Variants in ARHGEF4 observed in about 807,000 individuals in gnomAD.
ARHGEF4 encodes the protein Rho guanine nucleotide exchange factor 4.
A neutral mutation model predicts 162.0 loss-of-function variants in ARHGEF4; 119 were observed. That is an observed-to-expected ratio of 0.73 (90% CI 0.63 to 0.86). The LOEUF (loss-of-function observed/expected upper bound fraction) is 0.86. Among genes scored for constraint, ARHGEF4 ranks in the 40% least tolerant of loss-of-function variants. ARHGEF4 has a pLI of 0.00. For missense variants in ARHGEF4, 2,488 were observed against 2,456.0 expected (o/e 1.01, Z -0.28); for synonymous variants, 1,014 against 979.9 (o/e 1.03, Z -0.65).
intron 4 of ARHGEF4, among the ~76,000 whole-genome samples, chr2:131,003,385 C>A (rs1261698238): frequency 6.6e-6 from 1 of 152,224 alleles, no homozygotes; most frequent in Non-Finnish European, 1.5e-5. Flanking sequence ...ATTCCAGTTT[C>A]TTCCTTCTTG....
intron 1 of ARHGEF4, among the ~76,000 whole-genome samples, chr2:130,892,054 G>T (rs566671353): frequency 9.2e-5 from 14 of 152,000 alleles, no homozygotes; most frequent in African/African-American, 3.4e-4. Flanking sequence ...GTGTTTCCTG[G>T]GTGCAAGTGC....
In ARHGEF4 at chr2:130,915,389, A is replaced by G. The variant is rs1250755841; in HGVS notation, c.1443A>G (p.Arg481=). The change falls in exon 2 of 14, where the codon AGA becomes AGG. Residue 481 remains arginine, a synonymous_variant. Coordinates refer to ENST00000409359, the MANE Select transcript of ARHGEF4 (RefSeq NM_001367493.1). ...QEPQGTQLAP[R]AADERETQKH... ...CCCAAGGCACCCAACTCGCACCAAG[A>G]GCTGCTGATGAGAGAGAGACACAGA... The G allele has an allele frequency of 6.4e-7, 1 of 1,550,612 alleles. No individual in the cohort carries two copies. Among genetic ancestry groups the G allele is most frequent in the Admixed American group, 2.0e-5 (1 of 50,998 alleles).
At chr2:131,002,805 G>A (rs1369265117) in intron 4 of ARHGEF4, among the ~76,000 whole-genome samples, 1 of 151,602 alleles carries the variant, frequency 6.6e-6, no homozygotes, top group Non-Finnish European at 1.5e-5. Flanking sequence ...CTCCGCTGCT[G>A]GAACGGACAG....
chr2:131,003,210 C>T (rs1343555348), intron 4 of ARHGEF4, among the ~76,000 whole-genome samples: 1 of 152,100 alleles, frequency 6.6e-6, no homozygotes, highest in Non-Finnish European at 1.5e-5. Context: ...AGGACCATCC[C>T]GCACGCACTC....
chr2:130,916,028 C>T lies in ARHGEF4; in HGVS notation c.2082C>T (p.Ala694=), dbSNP rs1416880436. The change falls in exon 2 of 14, where the codon GCC becomes GCT. Residue 694 remains alanine (A), a synonymous_variant. Transcript: ENST00000409359. ...GTAATGAGTGTGAGTTGCCAGCAGC[C>T]CCCATACAGGGAGCTGGCGATGGGG... ...PAGNECELPA[A]PIQGAGDGAL... The T allele has an allele frequency of 7.7e-6, 12 of 1,550,296 alleles. No individual in the cohort carries two copies. The African/African-American group carries it at 9.6e-5, about 12-fold the overall frequency.
In ARHGEF4 at chr2:130,991,327, G is replaced by A. The variant is rs566037679; in HGVS notation, c.3986-36618G>A. On this transcript the variant is annotated intron_variant, in intron 4 of 13. Transcript: ENST00000409359. ...CGCTCGCTCTTGGCGCCTCCTCTGC[G>A]TGGGCTCCCATTTTGGCGGCACTTG... 2.6e-5 allele frequency among the ~76,000 whole-genome samples: 4 copies of A among 152,372 alleles called. No homozygotes were observed. In the South Asian group the frequency reaches 6.2e-4, roughly 24 times the overall value.
At chr2:131,001,329 CAG>C (rs1178475649) in intron 4 of ARHGEF4, among the ~76,000 whole-genome samples, 3 of 79,454 alleles carry the variant, frequency 3.8e-5, no homozygotes, top group Admixed American at 1.3e-4. Flanking sequence ...AAAAAAAAAA[CAG>C]AAAGAGCTGA....
intron 5 of ARHGEF4, chr2:131,035,300 G>C: frequency 4.2e-6 from 5 of 1,194,542 alleles, no homozygotes; most frequent in Non-Finnish European, 5.2e-6. Context: ...TGAGTGGCGC[G>C]GGCGACGGCA....
At chr2:131,045,838 G>A in intron 13 of ARHGEF4, 200 bp from the exon 14 acceptor site, 4 of 1,448,988 alleles carry the variant, frequency 2.8e-6, no homozygotes, top group African/African-American at 1.4e-5. Context: ...GCTGCAGGAG[G>A]CCAGGCCCAG....
In ARHGEF4 at chr2:130,914,957, C is replaced by T; in HGVS notation, c.1011C>T (p.Ala337=). 4.5e-6 allele frequency: 7 copies of T among 1,549,662 alleles called. No individual in the cohort carries two copies. The highest frequency in any genetic ancestry group is 6.1e-6 in the Non-Finnish European group (7 of 1,146,510). ...GGCACATGAGGGCACTGGTCAGGGC[C>T]CATTCCATAGCAGGGTTTTCACCAG... ...NCGHMRALVR[A]HSIAGFSPEC... is the part of the protein sequence containing the mutation. Residue 337 remains alanine, a synonymous_variant, in exon 2 of 14, where the codon GCC becomes GCT. Transcript: ENST00000409359.
intron 5 of ARHGEF4, among the ~76,000 whole-genome samples, chr2:131,038,440 T>C (rs1180622002): frequency 8.9e-5 from 10 of 111,862 alleles, no homozygotes; most frequent in Non-Finnish European, 1.1e-4. Flanking sequence ...GCGCCCAGCC[T>C]CTCCCTCCTG....
At position 131,034,900 on chromosome 2, in the gene ARHGEF4, C is replaced by G. The variant is rs572007722; in HGVS notation, c.4126-3953C>G. On this transcript the variant is annotated intron_variant, in intron 5 of 13. Coordinates refer to ENST00000409359, the MANE Select transcript of ARHGEF4 (RefSeq NM_001367493.1). The stretch of plus-strand genomic sequence containing the variant: ...CCGCCGCCGCCGCCGCCCCCGCCCG[C>G]ACAGCCGGCTTGGTTGCCAGGGTTG... 2.9e-5 allele frequency: 25 copies of G among 869,520 alleles called. 1 individual carries two copies. In the South Asian group the frequency reaches 1.2e-3, roughly 42 times the overall value. The allele number at this position is 869,520 out of a possible 1,614,324, so 53.9% of individuals were successfully genotyped here.
At chr2:131,031,508 C>A (rs1332541299) in intron 5 of ARHGEF4, among the ~76,000 whole-genome samples, 3 of 152,228 alleles carry the variant, frequency 2.0e-5, no homozygotes, top group Non-Finnish European at 4.4e-5. Context: ...AAGCCATAGT[C>A]CTGCCTGCAG....
intron 4 of ARHGEF4, among the ~76,000 whole-genome samples, chr2:130,976,753 G>A (rs191953650): frequency 1.2e-4 from 18 of 152,356 alleles, no homozygotes; most frequent in African/African-American, 3.8e-4. Context: ...GCTGGCTCCC[G>A]CAGAAGAGGG....
At chr2:130,936,587 T>TA (rs925735275) in intron 3 of ARHGEF4, among the ~76,000 whole-genome samples, 1 of 152,168 alleles carries the variant, frequency 6.6e-6, no homozygotes, top group African/African-American at 2.4e-5. Flanking sequence ...TCCCTCTTTT[T>TA]ATATGTGTCA....
At position 131,044,577 on chromosome 2, in the gene ARHGEF4, G is replaced by A. The variant is rs764436824; in HGVS notation, c.5401+35G>A. ...CCTGCTGGGCCTTGCCCCGCCCCCA[G>A]GGCCCACCCGGCGCTCCCGCCTGCC... On this transcript the variant is annotated intron_variant, in intron 12 of 13. Coordinates refer to ENST00000409359, the MANE Select transcript of ARHGEF4 (RefSeq NM_001367493.1). 2.2e-5 allele frequency: 34 copies of A among 1,534,474 alleles called. No individual in the cohort carries two copies. In the Admixed American group the frequency reaches 3.4e-4, roughly 15 times the overall value.
intron 4 of ARHGEF4, among the ~76,000 whole-genome samples, chr2:131,001,766 A>G (rs1482934975): frequency 6.6e-6 from 1 of 152,218 alleles, no homozygotes; most frequent in Non-Finnish European, 1.5e-5. Flanking sequence ...GGACGATCAT[A>G]TTTGTGTAAA....
intron 1 of ARHGEF4, among the ~76,000 whole-genome samples, chr2:130,881,964 G>A (rs771899038): frequency 1.1e-4 from 17 of 152,198 alleles, no homozygotes; most frequent in Non-Finnish European, 1.9e-4. Context: ...CTCAGGCAGC[G>A]CTTGGGGTAA....
intron 4 of ARHGEF4, among the ~76,000 whole-genome samples, chr2:131,025,488 G>A (rs973286366): frequency 7.2e-5 from 11 of 152,088 alleles, no homozygotes; most frequent in African/African-American, 2.7e-4. Flanking sequence ...CAGGCCTTTG[G>A]GCTCCACTTT....
Sources: allele counts gnomAD v4.1 joint callset (sites outside exome capture counted in the v4.1 genomes callset), GRCh38; gene constraint gnomAD v4.1.1; transcripts MANE v1.5; gene names NCBI Gene and HGNC (gene_info 2026-07-23, HGNC 2026-07-21).